The following CAPN8 variants were observed in gnomAD, a reference collection of about 807,000 sequenced individuals.
The protein encoded by CAPN8 is calpain-8.
Under a neutral mutation model 80.9 loss-of-function variants are expected in CAPN8, and 87 were observed. The observed-to-expected ratio is 1.07, with a 90% confidence interval of 0.90 to 1.28. The LOEUF (loss-of-function observed/expected upper bound fraction) is 1.28, where lower values mean the gene tolerates loss of function less well. CAPN8 is among the 50% of genes most tolerant of loss of function. The pLI, the probability that CAPN8 is intolerant of heterozygous loss-of-function variation, is 0.00. For missense variants in CAPN8, 757 were observed against 702.0 expected, an observed-to-expected ratio of 1.08 and a Z score of -0.89; for synonymous variants, 299 against 273.8, an observed-to-expected ratio of 1.09 and a Z score of -0.91.
chr1:223,656,715 G>A (rs566931506), intron 1 of CAPN8, among the ~76,000 whole-genome samples: 2 of 123,476 alleles, frequency 1.6e-5, no homozygotes, highest in South Asian at 5.1e-4. Flanking sequence ...ACGGGGTCTC[G>A]CTCTTTGGCC....
Position 223,637,986 on chromosome 1 carries a change from G to A in CAPN8, c.308-9206C>T, listed in dbSNP as rs12071525. On this transcript the variant is annotated intron_variant, in intron 2 of 20. Coordinates refer to ENST00000366872, the MANE Select transcript of CAPN8 (RefSeq NM_001143962.2). ...CAAAAAGGACTTACTTGTAACAAGCGAAATGTTTAGGGATATCTGTATATA... is the reference window on the plus strand; with the variant it reads ...CAAAAAGGACTTACTTGTAACAAGCAAAATGTTTAGGGATATCTGTATATA... Among the ~76,000 whole-genome samples the A allele has an allele frequency of 8.1e-3, 1,240 of 152,258 alleles. 19 individuals are homozygous for A. Among genetic ancestry groups the A allele is most frequent in the African/African-American group, 0.028 (1,158 of 41,552 alleles).
At chr1:223,548,091 C>A (rs1324714305) in intron 16 of CAPN8, among the ~76,000 whole-genome samples, 2 of 152,120 alleles carry the variant, frequency 1.3e-5, no homozygotes, top group African/African-American at 4.8e-5. Context: ...CTCTGCATGA[C>A]AACCATGCAA....
At chr1:223,661,162 T>C (rs1261778218) in intron 1 of CAPN8, among the ~76,000 whole-genome samples, 83 of 128,780 alleles carry the variant, frequency 6.4e-4, no homozygotes, top group African/African-American at 2.2e-3. Flanking sequence ...TGAGACCCTG[T>C]CTTAAAAAAA....
chr1:223,549,809 C>T (rs1656735131), intron 15 of CAPN8, among the ~76,000 whole-genome samples: 1 of 152,184 alleles, frequency 6.6e-6, no homozygotes, highest in Non-Finnish European at 1.5e-5. Flanking sequence ...CTTAATAAAA[C>T]AGCTAACTTT....
chr1:223,641,638 C>T (rs1245509585), intron 2 of CAPN8, among the ~76,000 whole-genome samples: 1 of 152,210 alleles, frequency 6.6e-6, no homozygotes, highest in East Asian at 1.9e-4. Context: ...TCCCTCTCCA[C>T]TCTCAGCCTT....
rs1656468399 is a variant in CAPN8, at chr1:223,541,773, G to A, written c.*63C>T. 5.2e-6 allele frequency: 8 copies of A among 1,551,090 alleles called. No homozygotes were observed. The South Asian group carries it at 9.5e-5, about 18-fold the overall frequency. On this transcript the variant is annotated 3_prime_UTR_variant, in exon 21 of 21. Coordinates refer to ENST00000366872, the MANE Select transcript of CAPN8 (RefSeq NM_001143962.2). ...GAGCATAAATGTTCACAAAATTGTA[G>A]AGAAGGGGTGACAAGAAGCAAGCAG...
At chr1:223,647,852 T>C (rs1658233399) in intron 2 of CAPN8, among the ~76,000 whole-genome samples, 2 of 152,208 alleles carry the variant, frequency 1.3e-5, no homozygotes, top group Non-Finnish European at 2.9e-5. Context: ...AGGGGCCTGA[T>C]AGACAACATA....
chr1:223,628,858 C>T, intron 2 of CAPN8, 78 bp from the exon 3 acceptor site: 2 of 1,183,568 alleles, frequency 1.7e-6, no homozygotes, highest in Non-Finnish European at 2.4e-6. Context: ...CTGTCCCATT[C>T]AACCCAGAGT....
At chr1:223,622,734 T>C in intron 7 of CAPN8, 81 bp downstream of exon 7, 1 of 1,061,616 alleles carries the variant, frequency 9.4e-7, no homozygotes, top group East Asian at 2.6e-5. Context: ...CACTGTGACA[T>C]CGATCTCATT....
chr1:223,551,677 A>G (rs1463753439), intron 14 of CAPN8, among the ~76,000 whole-genome samples: 1 of 152,228 alleles, frequency 6.6e-6, no homozygotes, highest in Non-Finnish European at 1.5e-5. Flanking sequence ...AGTGTGGAAG[A>G]TCCTTAAATC....
At chr1:223,632,660 A>C (rs760519718) in intron 2 of CAPN8, among the ~76,000 whole-genome samples, 1 of 152,174 alleles carries the variant, frequency 6.6e-6, no homozygotes, top group Non-Finnish European at 1.5e-5. Flanking sequence ...ATGAGCTACC[A>C]CACCTGACTA....
At chr1:223,552,787 C>G (rs1284707852) in intron 14 of CAPN8, among the ~76,000 whole-genome samples, 4 of 152,160 alleles carry the variant, frequency 2.6e-5, no homozygotes, top group African/African-American at 4.8e-5. Context: ...CCCCATGCAG[C>G]CAGAGAGAAA....
At chr1:223,648,238 G>GTT (rs1430291830) in intron 2 of CAPN8, among the ~76,000 whole-genome samples, 3 of 152,230 alleles carry the variant, frequency 2.0e-5, no homozygotes, top group African/African-American at 7.2e-5. Context: ...GAGTAGAGGA[G>GTT]CCACCACGGG....
chr1:223,630,900 C>T (rs545535326), intron 2 of CAPN8, among the ~76,000 whole-genome samples: 6 of 152,116 alleles, frequency 3.9e-5, no homozygotes, highest in Non-Finnish European at 7.4e-5. Flanking sequence ...AACACAGTGT[C>T]CTCCTCCCAC....
intron 1 of CAPN8, among the ~76,000 whole-genome samples, chr1:223,655,462 T>C (rs988799401): frequency 7.9e-5 from 12 of 152,132 alleles, no homozygotes; most frequent in Admixed American, 7.9e-4. Context: ...CTGTATCCAG[T>C]ACCCTTTGAA....
intron 16 of CAPN8, among the ~76,000 whole-genome samples, chr1:223,547,606 A>G (rs34897445): frequency 0.18 from 26,952 of 152,182 alleles, 2,551 homozygotes; most frequent in Middle Eastern, 0.26. Flanking sequence ...AGTACGCTGT[A>G]TGGTGTGTAA....
intron 2 of CAPN8, among the ~76,000 whole-genome samples, chr1:223,647,670 C>T (rs1272523963): frequency 6.6e-6 from 1 of 152,118 alleles, no homozygotes; most frequent in Non-Finnish European, 1.5e-5. Context: ...AATTGATCGA[C>T]ACCTGCTGCA....
At chr1:223,546,522 A>C (rs1656626264) in intron 16 of CAPN8, among the ~76,000 whole-genome samples, 1 of 152,216 alleles carries the variant, frequency 6.6e-6, no homozygotes, top group Non-Finnish European at 1.5e-5. Flanking sequence ...TGTTGAATGC[A>C]TCATAGCCTT....
chr1:223,637,719 C>G (rs1268978172), intron 2 of CAPN8, among the ~76,000 whole-genome samples: 1 of 152,188 alleles, frequency 6.6e-6, no homozygotes, highest in African/African-American at 2.4e-5. Context: ...GGGCCATCTG[C>G]AGGACACTGG....
Sources: allele counts gnomAD v4.1 joint callset (sites outside exome capture counted in the v4.1 genomes callset), GRCh38; gene constraint gnomAD v4.1.1; transcripts MANE v1.5; gene names NCBI Gene and HGNC (gene_info 2026-07-23, HGNC 2026-07-21).